Variants in SLC22A3 observed in about 807,000 individuals in gnomAD.
SLC22A3 encodes the protein EMT organic cation transporter 3.
A neutral mutation model predicts 59.1 loss-of-function variants in SLC22A3; 51 were observed. The observed-to-expected ratio is 0.86, with a 90% CI of 0.69 to 1.09. The LOEUF (loss-of-function observed/expected upper bound fraction) is 1.09, where lower values mean the gene tolerates loss of function less well. SLC22A3 is among the 50% of genes least tolerant of loss of function. The pLI, the probability that SLC22A3 is intolerant of heterozygous loss-of-function variation, is 0.00. For synonymous variants in SLC22A3, 325 were observed against 292.0 expected, an observed-to-expected ratio of 1.11 and a Z score of -1.15; for missense variants, 711 against 726.3, an observed-to-expected ratio of 0.98 and a Z score of 0.24.
At chr6:160,443,589 G>C (rs1788628897) in intron 8 of SLC22A3, 41 bp from the exon 9 acceptor site, 6 of 1,308,382 alleles carry the variant, frequency 4.6e-6, no homozygotes, top group Non-Finnish European at 6.6e-6. Flanking sequence ...GAAGTCACTT[G>C]TTGAAATAGT....
intron 2 of SLC22A3, among the ~76,000 whole-genome samples, chr6:160,399,644 A>G (rs1036049328): frequency 6.6e-6 from 1 of 152,194 alleles, no homozygotes; most frequent in Non-Finnish European, 1.5e-5. Flanking sequence ...ATATATGTGA[A>G]GGAAGAACAA....
intron 5 of SLC22A3, among the ~76,000 whole-genome samples, chr6:160,433,292 C>T (rs1382630257): frequency 6.6e-6 from 1 of 152,206 alleles, no homozygotes; most frequent in Non-Finnish European, 1.5e-5. Context: ...AGGCAATTAT[C>T]TACAGAGCTA....
At chr6:160,397,287 G>A (rs1029866360) in intron 1 of SLC22A3, among the ~76,000 whole-genome samples, 2 of 152,008 alleles carry the variant, frequency 1.3e-5, no homozygotes, top group East Asian at 1.9e-4. Flanking sequence ...ATCTAATGCC[G>A]CTGCTGAGCT....
intron 1 of SLC22A3, among the ~76,000 whole-genome samples, chr6:160,350,023 C>G (rs1784608366): frequency 1.3e-5 from 2 of 152,072 alleles, no homozygotes. Flanking sequence ...TCGGTGGTTG[C>G]AATTGTACAT....
intron 2 of SLC22A3, among the ~76,000 whole-genome samples, chr6:160,403,078 GA>G (rs1329111516): frequency 6.6e-6 from 1 of 150,852 alleles, no homozygotes; most frequent in African/African-American, 2.4e-5. Flanking sequence ...AATCAAGGGA[GA>G]AAATAAAACC....
rs565942514 is a variant in SLC22A3 at position 160,384,597 on chromosome 6, C to T, written c.430-13382C>T. Reference sequence around the variant, plus strand: ...CCAGTGGGGCTGAACACAAGAGAATCGTGCAAGCTTTAAGAGGAGCATCCA... The same window carrying T: ...CCAGTGGGGCTGAACACAAGAGAATTGTGCAAGCTTTAAGAGGAGCATCCA... On this transcript the variant is annotated intron_variant, in intron 1 of 10. Transcript: ENST00000275300. 1.3e-3 allele frequency among the ~76,000 whole-genome samples: 199 copies of T among 152,172 alleles called. 1 individual carries two copies. The highest frequency in any genetic ancestry group is 4.5e-3 in the African/African-American group (187 of 41,526).
intron 1 of SLC22A3, among the ~76,000 whole-genome samples, chr6:160,391,839 T>C (rs1786272209): frequency 6.6e-6 from 1 of 152,186 alleles, no homozygotes; most frequent in Non-Finnish European, 1.5e-5. Flanking sequence ...GGAATTATTA[T>C]TCAAACAGAT....
chr6:160,365,100 C>A (rs1217609002), intron 1 of SLC22A3, among the ~76,000 whole-genome samples: 1 of 151,980 alleles, frequency 6.6e-6, no homozygotes, highest in Non-Finnish European at 1.5e-5. Flanking sequence ...TTTTTAAAAT[C>A]TGTGTGAGAT....
At chr6:160,431,938 C>G (rs1454493246) in intron 5 of SLC22A3, among the ~76,000 whole-genome samples, 2 of 152,172 alleles carry the variant, frequency 1.3e-5, no homozygotes, top group African/African-American at 4.8e-5. Flanking sequence ...TCTCAACAAT[C>G]TTATTAAACC....
chr6:160,436,795 G>A lies in SLC22A3; in HGVS notation c.991G>A (p.Glu331Lys), dbSNP rs1292050380. The change falls in exon 6 of 11, where the codon GAG (glutamate) becomes AAG (lysine). Residue 331 changes from glutamate to lysine, a missense_variant. Transcript: ENST00000275300. Reference sequence around the variant, plus strand: ...TCTTATATAGATCACTGTTACAGATGAGGAAGTTAGTAATCCATCCTTTTT... The same window carrying A: ...TCTTATATAGATCACTGTTACAGATAAGGAAGTTAGTAATCCATCCTTTTT... ...SNYSEITVTD[E>K]EVSNPSFLDL... 1 of 1,608,874 alleles carries A rather than the reference G, an allele frequency of 6.2e-7. No individual in the cohort carries two copies. The highest frequency in any genetic ancestry group is 8.5e-7 in the Non-Finnish European group (1 of 1,175,532).
rs1787462657 is a variant in SLC22A3, at chr6:160,415,785, G to T, written c.975+4939G>T. On this transcript the variant is annotated intron_variant, in intron 5 of 10. Transcript: ENST00000275300. The surrounding 1 kb of genome is among the most constrained non-coding windows in gnomAD (Gnocchi z 4.1). ...CCCAACAAGTCAGCATTTTTCTCTT[G>T]TGAAAAGAACCACCTGCCAACCCCA... Among the ~76,000 whole-genome samples the T allele has an allele frequency of 6.6e-6, 1 of 152,120 alleles. No homozygotes were observed. Among genetic ancestry groups the T allele is most frequent in the Non-Finnish European group, 1.5e-5 (1 of 68,020 alleles).
At chr6:160,378,640 C>T (rs764508600) in intron 1 of SLC22A3, among the ~76,000 whole-genome samples, 1 of 152,188 alleles carries the variant, frequency 6.6e-6, no homozygotes, top group Non-Finnish European at 1.5e-5. Context: ...CATCCAGATA[C>T]ACCCATTGTT....
At chr6:160,375,332 A>G (rs1785550746) in intron 1 of SLC22A3, among the ~76,000 whole-genome samples, 1 of 152,230 alleles carries the variant, frequency 6.6e-6, no homozygotes, top group Admixed American at 6.5e-5. Context: ...ATAAAGACAT[A>G]TAAACTGCCA....
chr6:160,350,748 C>T (rs1784631923), intron 1 of SLC22A3, among the ~76,000 whole-genome samples: 1 of 152,158 alleles, frequency 6.6e-6, no homozygotes, highest in South Asian at 2.1e-4. Context: ...ACTTTGGAAG[C>T]ATTCTGGAGT....
rs1027035333 is a variant in SLC22A3, at chr6:160,426,319, G to A, written c.976-10461G>A. 8 of 985,386 alleles carry A rather than the reference G, an allele frequency of 8.1e-6. No individual in the cohort carries two copies. The South Asian group carries it at 2.8e-4, about 35-fold the overall frequency. 61.0% of individuals were successfully genotyped at this position (985,386 alleles called of 1,614,324 possible). ...GATGACAGTGGTTTTGGTTCTTGTG[G>A]TTCTTGTGGTTTTGGTTCTTGTTTT... On this transcript the variant is annotated intron_variant, in intron 5 of 10. Transcript: ENST00000275300.
intron 1 of SLC22A3, among the ~76,000 whole-genome samples, chr6:160,382,608 C>G (rs1465780559): frequency 6.6e-6 from 1 of 152,104 alleles, no homozygotes; most frequent in African/African-American, 2.4e-5. Flanking sequence ...AGGCCCTGTC[C>G]TCTGATATAT....
At chr6:160,373,149 C>T (rs1785461290) in intron 1 of SLC22A3, among the ~76,000 whole-genome samples, 1 of 152,150 alleles carries the variant, frequency 6.6e-6, no homozygotes, top group Admixed American at 6.5e-5. Flanking sequence ...ATTTATCTAC[C>T]TTTGATCTTT....
chr6:160,430,652 A>G (rs1454536554), intron 5 of SLC22A3, among the ~76,000 whole-genome samples: 1 of 152,192 alleles, frequency 6.6e-6, no homozygotes. Flanking sequence ...AAATAAATAC[A>G]AGGAAACTAA....
chr6:160,392,918 A>T, intron 1 of SLC22A3, among the ~76,000 whole-genome samples: 1 of 148,196 alleles, frequency 6.7e-6, no homozygotes, highest in African/African-American at 2.6e-5. Flanking sequence ...ATTATTTTTA[A>T]TACTGATGAA....
Sources: allele counts gnomAD v4.1 joint callset (sites outside exome capture counted in the v4.1 genomes callset), GRCh38; gene constraint gnomAD v4.1.1; non-coding constraint Gnocchi (gnomAD v3.1); transcripts MANE v1.5; gene names NCBI Gene and HGNC (gene_info 2026-07-23, HGNC 2026-07-21).